ZNF846: variants seen among roughly 807,000 people sequenced by gnomAD.
The protein encoded by ZNF846 is zinc finger protein 420 pseudogene.
In ZNF846, 15 loss-of-function variants were observed where a neutral mutation model predicts 16.0. That is an observed-to-expected ratio of 0.94 (90% CI 0.63 to 1.45). The LOEUF (loss-of-function observed/expected upper bound fraction) is 1.45. Among genes scored for constraint, ZNF846 ranks in the 40% most tolerant of loss-of-function variants. ZNF846 has a pLI of 0.00. For missense variants in ZNF846, 714 were observed against 622.3 expected (o/e 1.15, Z -1.57); for synonymous variants, 229 against 212.0 (o/e 1.08, Z -0.70).
At chr19:9,762,164 C>G (rs375984282) in exon 4 of ZNF846, 1 of 1,613,838 alleles carries the variant, frequency 6.2e-7, no homozygotes, top group African/African-American at 1.3e-5. Context: ...ATAATTCAGA[C>G]CCTGCTGGAG....
intron 3 of ZNF846, 140 bp from the exon 4 acceptor site, chr19:9,762,308 C>A: frequency 1.5e-6 from 1 of 656,910 alleles, no homozygotes. Flanking sequence ...AATCATATAA[C>A]ATTTCCAATA....
downstream of ZNF846, chr19:9,756,070 C>T (rs914368458): frequency 1.3e-5 from 2 of 148,518 alleles, no homozygotes; most frequent in Non-Finnish European, 3.0e-5. Context: ...AAACTCCTGA[C>T]CTCAAATGAT....
At chr19:9,774,893 C>A (rs903315028) in intron 1 of ZNF846, 21 of 1,609,614 alleles carry the variant, frequency 1.3e-5, no homozygotes, top group Non-Finnish European at 1.8e-5. Context: ...CTCTAAGGAC[C>A]GTAAAAAATT....
At chr19:9,770,198 A>G (rs1275077138), upstream of ZNF846, among the ~76,000 whole-genome samples, 3 of 152,066 alleles carry the variant, frequency 2.0e-5, no homozygotes, top group East Asian at 5.8e-4. Context: ...TGACCACAAA[A>G]ATAAACCCAG....
intron 1 of ZNF846, among the ~76,000 whole-genome samples, chr19:9,779,415 T>C (rs2145314292): frequency 6.7e-6 from 1 of 149,446 alleles, no homozygotes; most frequent in South Asian, 2.1e-4. Context: ...ATTACAGGCA[T>C]GCGCCACCAC....
chr19:9,785,188 C>T (rs753546174), intron 1 of ZNF846, among the ~76,000 whole-genome samples: 4 of 151,328 alleles, frequency 2.6e-5, no homozygotes, highest in Non-Finnish European at 4.4e-5. Context: ...CCCTGTCTCC[C>T]CCTTCACCGA....
downstream of ZNF846, among the ~76,000 whole-genome samples, chr19:9,753,054 C>T (rs1015774212): frequency 2.6e-5 from 4 of 151,370 alleles, no homozygotes; most frequent in African/African-American, 9.8e-5. Context: ...CTTGAAGTAA[C>T]CAAATACAGT....
chr19:9,774,697 G>T (rs2045420006), intron 1 of ZNF846: 14 of 1,506,920 alleles, frequency 9.3e-6, no homozygotes, highest in African/African-American at 1.4e-5. Context: ...AACTACCAAA[G>T]ATCACATTTA....
intron 4 of ZNF846, among the ~76,000 whole-genome samples, chr19:9,761,818 G>A (rs1198602328): frequency 2.0e-5 from 3 of 152,050 alleles, no homozygotes; most frequent in East Asian, 1.9e-4. Context: ...ATATAAGAAG[G>A]TGTTGGCAAA....
chr19:9,770,447 T>C (rs1453197344), upstream of ZNF846, among the ~76,000 whole-genome samples: 1 of 151,882 alleles, frequency 6.6e-6, no homozygotes, highest in African/African-American at 2.4e-5. Flanking sequence ...TATGGCTGTA[T>C]CATAACATCA....
chr19:9,764,155 G>C (rs144265562), intron 2 of ZNF846, among the ~76,000 whole-genome samples: 1 of 152,178 alleles, frequency 6.6e-6, no homozygotes, highest in African/African-American at 2.4e-5. Context: ...TGCATGGGGG[G>C]TGCCTGTCCA....
At chr19:9,781,132 G>GT (rs1374271891) in intron 1 of ZNF846, among the ~76,000 whole-genome samples, 4 of 152,048 alleles carry the variant, frequency 2.6e-5, no homozygotes, top group Non-Finnish European at 5.9e-5. Context: ...CCTGTTAGGT[G>GT]TTTTTTTGTT....
chr19:9,757,444 T>G, downstream of ZNF846: 1 of 1,510,538 alleles, frequency 6.6e-7, no homozygotes, highest in Non-Finnish European at 8.9e-7. Context: ...CAGATGAGTT[T>G]AGATGTAAAT....
chr19:9,754,970 A>C (rs368840370), downstream of ZNF846, among the ~76,000 whole-genome samples: 1 of 151,098 alleles, frequency 6.6e-6, no homozygotes, highest in African/African-American at 2.5e-5. Flanking sequence ...GGTTCAAGCA[A>C]TCCTCCTGCC....
At chr19:9,771,964 C>T (rs2045393689), upstream of ZNF846, among the ~76,000 whole-genome samples, 1 of 151,816 alleles carries the variant, frequency 6.6e-6, no homozygotes, top group African/African-American at 2.4e-5. Flanking sequence ...GACGAGGTTT[C>T]ACCGTGTTGG....
At position 9,757,811 on chromosome 19, in the gene ZNF846, A is replaced by G. The variant is rs763308706; in HGVS notation, c.1266T>C (p.Tyr422=). 6.2e-6 allele frequency: 10 copies of G among 1,613,584 alleles called. No homozygotes were observed. In the East Asian group the frequency reaches 1.8e-4, roughly 29 times the overall value. The change falls in exon 6 of 6, where the codon TAT becomes TAC. Residue 422 remains tyrosine (Y), a synonymous_variant. Transcript: ENST00000397902. ...AAGCTTTCCCACATTCTTTGCATTC[A>G]TATGGCTTCTCTCCAGTGTGAATCC...
intron 1 of ZNF846, 86 bp downstream of exon 1, chr19:9,768,203 A>G (rs1382350129): frequency 6.6e-6 from 1 of 152,202 alleles, no homozygotes; most frequent in East Asian, 1.9e-4. Flanking sequence ...CACACTTGAC[A>G]AAGCATTTAA....
chr19:9,781,777 AT>A (rs112251619), intron 1 of ZNF846, among the ~76,000 whole-genome samples: 4,843 of 139,902 alleles, frequency 0.035, 144 homozygotes, highest in African/African-American at 0.092. Context: ...AGGGCAAACA[AT>A]TTTTTTTTTT....
rs2045415638 is a variant in ZNF846 at position 9,774,367 on chromosome 19, C to A, written c.-85-9332G>T. 1.8e-5 allele frequency: 9 copies of A among 500,618 alleles called. No homozygotes were observed. In the South Asian group the frequency reaches 1.9e-4, roughly 10 times the overall value. The allele number at this position is 500,618 out of a possible 1,614,324, so 31.0% of individuals were successfully genotyped here. ...CCTGTAGTCCCAGCTACTCGGGAGG[C>A]TGAGGCAGGAGAATGGCGTGAACCC... On this transcript the variant is annotated intron_variant, in intron 1 of 4. Transcript: ENST00000586814.
Sources: allele counts gnomAD v4.1 joint callset (sites outside exome capture counted in the v4.1 genomes callset), GRCh38; gene constraint gnomAD v4.1.1; transcripts MANE v1.5; gene names NCBI Gene and HGNC (gene_info 2026-07-23, HGNC 2026-07-21).